The following PARP10 variants were observed in gnomAD, a reference collection of about 807,000 sequenced individuals.
The protein encoded by PARP10 is poly(ADP-ribose) polymerase family member 10, also known as protein mono-ADP-ribosyltransferase PARP10.
Under a neutral mutation model 82.4 loss-of-function variants are expected in PARP10, and 56 were observed. The observed-to-expected ratio is 0.68, with a 90% CI of 0.55 to 0.85. PARP10 has a LOEUF of 0.85. Among genes scored for constraint, PARP10 ranks in the 40% least tolerant of loss-of-function variants. The probability of loss-of-function intolerance (pLI) is 0.00; values close to 1 mark genes in which losing one functional copy is unlikely to be tolerated. For missense variants in PARP10, 1,227 were observed against 1,379.4 expected, an observed-to-expected ratio of 0.89 and a Z score of 1.75; for synonymous variants, 576 against 601.1, an observed-to-expected ratio of 0.96 and a Z score of 0.61.
chr8:143,992,676 G>C, upstream of PARP10: 2 of 1,613,944 alleles, frequency 1.2e-6, no homozygotes, highest in Non-Finnish European at 1.7e-6. Context: ...CAACACCACT[G>C]TGCTGTCACC....
upstream of PARP10, chr8:143,992,943 G>A (rs1834125993): frequency 2.0e-6 from 2 of 992,624 alleles, no homozygotes; most frequent in South Asian, 3.1e-5. Flanking sequence ...CTTGTCCCCA[G>A]GCACAGCCTA....
intron 1 of PARP10, among the ~76,000 whole-genome samples, chr8:144,001,869 T>C (rs534963894): frequency 2.0e-5 from 3 of 147,830 alleles, no homozygotes; most frequent in South Asian, 2.2e-4. Flanking sequence ...TTTAAATATA[T>C]ATACGTGTGT....
Position 143,977,909 on chromosome 8 carries a change from T to C in PARP10, c.2729A>G (p.Asn910Ser), listed in dbSNP as rs1833741337. ...CCCCTGCCCGGCTCAGGCCTCACCG[T>C]TGCGGCCGCAGAAGCTGCGGTTGAA... ...HGFNRSFCGR[N>S]ATVYGKGVYF... is the part of the protein sequence containing the mutation. Residue 910 changes from asparagine to serine, a missense_variant and splice_region_variant, in exon 10 of 11, where the codon AAC becomes AGC. Coordinates refer to ENST00000313028, the MANE Select transcript of PARP10 (RefSeq NM_032789.5). 6.2e-7 allele frequency: 1 copy of C among 1,601,724 alleles called. No individual in the cohort carries two copies. Among genetic ancestry groups the C allele is most frequent in the Non-Finnish European group, 8.5e-7 (1 of 1,179,260 alleles).
upstream of PARP10, among the ~76,000 whole-genome samples, chr8:143,993,680 G>A (rs76181897): frequency 0.077 from 11,768 of 152,258 alleles, 720 homozygotes; most frequent in African/African-American, 0.17. Context: ...CAGGTGCTCC[G>A]TGGAGATGGC....
At chr8:143,979,159 G>C (rs183508507) in intron 9 of PARP10, among the ~76,000 whole-genome samples, 16 of 152,174 alleles carry the variant, frequency 1.1e-4, no homozygotes, top group African/African-American at 3.6e-4. Flanking sequence ...ATTTTTAGTA[G>C]AGAAGGGGTT....
chr8:144,002,846 G>A (rs868981704), intron 1 of PARP10, among the ~76,000 whole-genome samples: 2 of 152,154 alleles, frequency 1.3e-5, no homozygotes, highest in Non-Finnish European at 2.9e-5. Flanking sequence ...GGAGCCCAAG[G>A]TAGGAGGATC....
Position 143,984,569 on chromosome 8 carries a change from T to TC in PARP10, c.1432dup (p.Glu478GlyfsTer21). The TC allele has an allele frequency of 6.2e-7, 1 of 1,612,922 alleles. No homozygotes were observed. Among genetic ancestry groups the TC allele is most frequent in the Non-Finnish European group, 8.5e-7 (1 of 1,179,452 alleles). ...CCGAAAGCCAGTCATATCCGGTCCT[T>TC]CAAGTGGCAAGAGAGCGACGTCTCC... On this transcript the variant is annotated frameshift_variant, in exon 5 of 11. Coordinates refer to ENST00000313028, the MANE Select transcript of PARP10 (RefSeq NM_032789.5). LOFTEE classifies it high-confidence loss of function.
At position 143,983,826 on chromosome 8, in the gene PARP10, AGGCCATTG is replaced by A; in HGVS notation, c.1778-23_1778-16del. 6.4e-7 allele frequency: 1 copy of A among 1,560,382 alleles called. No homozygotes were observed. Among genetic ancestry groups the A allele is most frequent in the South Asian group, 1.2e-5 (1 of 82,870 alleles). The stretch of plus-strand genomic sequence containing the variant: ...TCGGACCTCCTCTGGGGGCAGGGAG[AGGCCATTG>A]GGTCAGGGGCTGGACCCAGGAGGAG... On this transcript the variant is annotated splice_polypyrimidine_tract_variant and intron_variant, in intron 7 of 10. Transcript: ENST00000313028.
Position 143,983,538 on chromosome 8 carries a change from G to A in PARP10, c.2051C>T (p.Thr684Ile), listed in dbSNP as rs367891204. 5.0e-6 allele frequency: 8 copies of A among 1,606,462 alleles called. No individual in the cohort carries two copies. In the African/African-American group the frequency reaches 9.4e-5, roughly 19 times the overall value. Residue 684 changes from threonine to isoleucine, a missense_variant, in exon 8 of 11, where the codon ACC (threonine) becomes ATC (isoleucine). Coordinates refer to ENST00000313028, the MANE Select transcript of PARP10 (RefSeq NM_032789.5). ...EEAAALRQAL[T>I]LSLLEQPPLE... ...CGGGGGCTGCTCCAGCAGGGAGAGG[G>A]TTAGGGCTTGCCGCAGGGCAGCAGC... is the stretch of plus-strand genomic sequence containing the variant.
upstream of PARP10, among the ~76,000 whole-genome samples, chr8:143,994,685 G>C (rs1834149733): frequency 6.6e-6 from 1 of 152,126 alleles, no homozygotes; most frequent in Non-Finnish European, 1.5e-5. Context: ...TGCCTTCCCA[G>C]CCACGAGGGC....
At position 143,986,092 on chromosome 8, in the gene PARP10, C is replaced by T; in HGVS notation, c.144G>A (p.Leu48=). 1 of 1,614,100 alleles carries T rather than the reference C, an allele frequency of 6.2e-7. No individual in the cohort carries two copies. The highest frequency in any genetic ancestry group is 8.5e-7 in the Non-Finnish European group (1 of 1,180,000). Residue 48 remains leucine (L), a synonymous_variant, in exon 2 of 11, where the codon CTG becomes CTA. Transcript: ENST00000313028. ...TGAAGGTGAGGACGCCCCCACAGCC[C>T]AGTCTCTGCCAGCTCAACACAGGTC... is the stretch of plus-strand genomic sequence containing the variant. ...GGGPVLSWQR[L]GCGGVLTFRE...
rs962892509 is a variant in PARP10, at chr8:144,011,548, G to A, written c.-80+982C>T. 8.5e-5 allele frequency among the ~76,000 whole-genome samples: 13 copies of A among 152,176 alleles called. No individual in the cohort carries two copies. Among genetic ancestry groups the A allele is most frequent in the Non-Finnish European group, 1.0e-4 (7 of 68,028 alleles). ...AGGTTTGAGGGAGAACAGCCACAGAGCCAATGGAGGCCACGAGGACACGGC... is the reference window on the plus strand; with the variant it reads ...AGGTTTGAGGGAGAACAGCCACAGAACCAATGGAGGCCACGAGGACACGGC... On this transcript the variant is annotated intron_variant, in intron 1 of 3. Coordinates refer to the PARP10 transcript ENST00000530478. This position sits in a 1 kb window ranked among gnomAD's most constrained non-coding sequence, Gnocchi z 4.5.
At chr8:143,994,511 G>A (rs1834147819), upstream of PARP10, among the ~76,000 whole-genome samples, 2 of 152,170 alleles carry the variant, frequency 1.3e-5, no homozygotes. Flanking sequence ...CCTGGTACGC[G>A]GGCCCTGCCA....
chr8:144,006,672 A>T, intron 1 of PARP10, among the ~76,000 whole-genome samples: 1 of 152,174 alleles, frequency 6.6e-6, no homozygotes, highest in East Asian at 1.9e-4. Flanking sequence ...ATATGATGGC[A>T]CTAGGAGGTG....
intron 9 of PARP10, among the ~76,000 whole-genome samples, chr8:143,982,155 T>C (rs1471340061): frequency 6.6e-6 from 1 of 152,110 alleles, no homozygotes. Flanking sequence ...ACGCACAACT[T>C]TGGGCATCAA....
chr8:144,012,255 T>C (rs1338098732), intron 1 of PARP10, among the ~76,000 whole-genome samples: 1 of 152,138 alleles, frequency 6.6e-6, no homozygotes, highest in Non-Finnish European at 1.5e-5. Flanking sequence ...GAGGGTGAAG[T>C]TGGCGAGACA....
At chr8:144,004,258 GA>G (rs1289836502) in intron 1 of PARP10, among the ~76,000 whole-genome samples, 1 of 150,916 alleles carries the variant, frequency 6.6e-6, no homozygotes. Context: ...CCCTGTCTCA[GA>G]AAAAAAAAGA....
chr8:143,989,286 C>T (rs2133059061), upstream of PARP10, among the ~76,000 whole-genome samples: 1 of 152,348 alleles, frequency 6.6e-6, no homozygotes, highest in South Asian at 2.1e-4. This position sits in a 1 kb window ranked among gnomAD's most constrained non-coding sequence, Gnocchi z 4.3. Context: ...GGTGGCCTGG[C>T]CTCCAGTCCT....
At chr8:144,001,709 AAAGAG>A (rs782343289) in intron 1 of PARP10, among the ~76,000 whole-genome samples, 7 of 152,176 alleles carry the variant, frequency 4.6e-5, no homozygotes, top group East Asian at 1.9e-4. Flanking sequence ...TCCATCTCAA[AAAGAG>A]AAGAGAAGAG....
Sources: gnomAD v4.1 joint callset for allele counts (sites outside exome capture counted in the v4.1 genomes callset) on GRCh38, gnomAD v4.1.1 for gene constraint, Gnocchi (gnomAD v3.1) non-coding constraint, MANE v1.5 for transcripts, NCBI Gene and HGNC (gene_info 2026-07-23, HGNC 2026-07-21) for gene names.